Variants in MKNK2 observed in about 807,000 individuals in gnomAD.
MKNK2 encodes MAPK interacting serine/threonine kinase 2.
In MKNK2, 54 loss-of-function variants were observed where a neutral mutation model predicts 55.0. The observed-to-expected ratio is 0.98, with a 90% CI of 0.79 to 1.23. The LOEUF (loss-of-function observed/expected upper bound fraction) is 1.23, where lower values mean the gene tolerates loss of function less well. Ranked by LOEUF, MKNK2 falls within the 50% of genes most tolerant of loss-of-function variation. MKNK2 has a pLI of 0.00. For synonymous variants in MKNK2, 323 were observed against 256.0 expected, an observed-to-expected ratio of 1.26 and a Z score of -2.50; for missense variants, 685 against 632.1, an observed-to-expected ratio of 1.08 and a Z score of -0.90.
intron 11 of MKNK2, 111 bp from the exon 12 acceptor site, chr19:2,041,315 C>G (rs2016877072): frequency 8.9e-6 from 10 of 1,121,620 alleles, no homozygotes; most frequent in Non-Finnish European, 1.0e-5. Flanking sequence ...GGCCCTAGAC[C>G]ACGCACGCCT....
At chr19:2,047,026 C>G (rs1295823662) in intron 2 of MKNK2, among the ~76,000 whole-genome samples, 1 of 152,200 alleles carries the variant, frequency 6.6e-6, no homozygotes, top group Admixed American at 6.5e-5. Context: ...TCTTAAACCC[C>G]TGGCCTCAAG....
intron 11 of MKNK2, 105 bp downstream of exon 11, chr19:2,041,735 G>C (rs1415917497): frequency 1.0e-6 from 1 of 968,856 alleles, no homozygotes; most frequent in Non-Finnish European, 1.5e-6. Flanking sequence ...CAGGTCCCCT[G>C]GACTTAGAGG....
chr19:2,046,235 C>T lies in MKNK2; in HGVS notation c.290G>A (p.Arg97Gln), dbSNP rs1356353368. The stretch of plus-strand genomic sequence containing the variant: ...GATCAGGTTGATGCAGGTCTGCACT[C>T]GGGCATGAGCGCCCTCCCCCAGCAC... Reference protein sequence around the residue: ...EDVLGEGAHARVQTCINLITS... With the variant: ...EDVLGEGAHAQVQTCINLITS... Residue 97 changes from arginine to glutamine, a missense_variant, in exon 5 of 14, where the codon CGA (arginine) becomes CAA (glutamine). Coordinates refer to ENST00000250896, the MANE Select transcript of MKNK2 (RefSeq NM_199054.3). 6.8e-6 allele frequency: 11 copies of T among 1,606,916 alleles called. No homozygotes were observed. The highest frequency in any genetic ancestry group is 3.3e-5 in the Admixed American group (2 of 60,000).
rs1237863836 is a variant in MKNK2 at position 2,046,710 on chromosome 19, G to A, written c.52-19C>T. ...TCTGCCCCTGCAGGGGAGAGGAGAG[G>A]AGAGGCACTCAGGCCCCATCCCTGC... On this transcript the variant is annotated intron_variant, in intron 2 of 13. Transcript: ENST00000250896. 6.7e-7 allele frequency: 1 copy of A among 1,498,930 alleles called. No homozygotes were observed. The highest frequency in any genetic ancestry group is 8.9e-7 in the Non-Finnish European group (1 of 1,124,818). The allele number at this position is 1,498,930 out of a possible 1,614,324, so 92.9% of individuals were successfully genotyped here. A position where few individuals can be genotyped will look rare whatever the true frequency, so the allele number is the denominator to read the frequency against.
At chr19:2,046,116 A>T in intron 5 of MKNK2, 70 bp downstream of exon 5, 1 of 1,458,554 alleles carries the variant, frequency 6.9e-7, no homozygotes, top group Non-Finnish European at 9.5e-7. Flanking sequence ...GGAATGCCAC[A>T]CACTGTTTCC....
Position 2,039,515 on chromosome 19 carries a change from G to A in MKNK2, c.*98C>T. On this transcript the variant is annotated 3_prime_UTR_variant, in exon 14 of 14. Coordinates refer to ENST00000250896, the MANE Select transcript of MKNK2 (RefSeq NM_199054.3). ...TTAGTGCCTGGGAATCCAGGCAGAG[G>A]AGGGGCAGCCCGCTGGACACCGGCT... 6.8e-7 allele frequency: 1 copy of A among 1,469,042 alleles called. No homozygotes were observed. Among genetic ancestry groups the A allele is most frequent in the South Asian group, 1.3e-5 (1 of 74,230 alleles). The allele number at this position is 1,469,042 out of a possible 1,614,324, so 91.0% of individuals were successfully genotyped here. A position where few individuals can be genotyped will look rare whatever the true frequency, so the allele number is the denominator to read the frequency against.
In MKNK2 at chr19:2,039,269, T is replaced by C; in HGVS notation, c.*344A>G. ...AGTCACTGCAAGCCACGTGGGCAGA[T>C]GGCGGGCAGCACAGGTGACCTGGGG... is the stretch of plus-strand genomic sequence containing the variant. On this transcript the variant is annotated 3_prime_UTR_variant, in exon 14 of 14. Transcript: ENST00000250896. 8.7e-7 allele frequency: 1 copy of C among 1,148,380 alleles called. No homozygotes were observed. The allele number at this position is 1,148,380 out of a possible 1,614,324, so 71.1% of individuals were successfully genotyped here.
At position 2,043,586 on chromosome 19, in the gene MKNK2, A is replaced by G; in HGVS notation, c.340-4T>C. ...GGCCTGGCTGCTTCTCAATGATCTG[A>G]AACAGGCGAAAGGACACAGCACCTG... On this transcript the variant is annotated splice_polypyrimidine_tract_variant and splice_region_variant and intron_variant, in intron 5 of 13. Transcript: ENST00000250896. 6.2e-7 allele frequency: 1 copy of G among 1,613,864 alleles called. No individual in the cohort carries two copies. Among genetic ancestry groups the G allele is most frequent in the Non-Finnish European group, 8.5e-7 (1 of 1,179,876 alleles).
rs993499852 is a variant in MKNK2, at chr19:2,046,463, G to A, written c.145C>T (p.Pro49Ser). 6.2e-7 allele frequency: 1 copy of A among 1,607,796 alleles called. No homozygotes were observed. The highest frequency in any genetic ancestry group is 8.5e-7 in the Non-Finnish European group (1 of 1,179,312). The change falls in exon 4 of 14, where the codon CCC (proline) becomes TCC (serine). Residue 49 changes from proline to serine, a missense_variant. Physicochemically the swap from Pro to Ser is moderately conservative, Grantham distance 74. Coordinates refer to ENST00000250896, the MANE Select transcript of MKNK2 (RefSeq NM_199054.3). ...GGGATGTCAATGGGCTGGCTGGCGG[G>A]CATGTCTGTTCCAGGAGGCACGCCC... ...GLQCSARPDM[P>S]ASQPIDIPDA...
intron 2 of MKNK2, 65 bp downstream of exon 2, chr19:2,050,736 G>T: frequency 6.9e-7 from 1 of 1,448,562 alleles, no homozygotes. Context: ...CGGGCCCCGC[G>T]CCCCCCACGC....
intron 13 of MKNK2, 69 bp from the exon 14 acceptor site, chr19:2,039,925 G>C: frequency 1.3e-6 from 2 of 1,523,048 alleles, no homozygotes; most frequent in Non-Finnish European, 1.8e-6. Context: ...GGTCTGTGAA[G>C]GCCCTGGGGG....
In MKNK2 at chr19:2,038,300, CG is replaced by C; in HGVS notation, c.*1312del. On this transcript the variant is annotated 3_prime_UTR_variant, in exon 14 of 14. Transcript: ENST00000250896. ...TAAACAGGAGGAAGAATCCCGACCG[CG>C]GATTTAGAAGCCAGAGGGGCTGCCC... is the stretch of plus-strand genomic sequence containing the variant. The C allele has an allele frequency of 1.0e-6, 1 of 986,594 alleles. No homozygotes were observed. The allele number at this position is 986,594 out of a possible 1,614,324, so 61.1% of individuals were successfully genotyped here.
intron 10 of MKNK2, 168 bp from the exon 11 acceptor site, chr19:2,042,202 G>C: frequency 1.4e-6 from 1 of 740,148 alleles, no homozygotes; most frequent in Non-Finnish European, 2.1e-6. Context: ...CAGGTGCAGA[G>C]CTCGCCCCTC....
In MKNK2 at chr19:2,046,676, C is replaced by G. The variant is rs776453612; in HGVS notation, c.67G>C (p.Glu23Gln). The change falls in exon 3 of 14, where the codon GAG becomes CAG. Residue 23 changes from glutamate to glutamine, a missense_variant. By Grantham distance (29) the Glu-to-Gln change is conservative (BLOSUM62 2). Transcript: ENST00000250896. ...GGCTGGTCTAGGGAGAAGGCCAGCT[C>G]GAAGGGGTTCTGCCCCTGCAGGGGA... Reference protein sequence around the residue: ...HRSFKGQNPFELAFSLDQPDH... With the variant: ...HRSFKGQNPFQLAFSLDQPDH... The G allele has an allele frequency of 1.0e-5, 16 of 1,533,680 alleles. No homozygotes were observed. In the South Asian group the frequency reaches 1.2e-4, roughly 12 times the overall value.
intron 2 of MKNK2, among the ~76,000 whole-genome samples, chr19:2,047,559 G>T (rs920759624): frequency 6.6e-6 from 1 of 152,078 alleles, no homozygotes; most frequent in African/African-American, 2.4e-5. Flanking sequence ...GGGGCGGGTC[G>T]CGGGGATCAA....
At position 2,041,300 on chromosome 19, in the gene MKNK2, G is replaced by A. The variant is rs2016876627; in HGVS notation, c.946-96C>T. 5.1e-6 allele frequency: 7 copies of A among 1,378,284 alleles called. No homozygotes were observed. In the Admixed American group the frequency reaches 1.2e-4, roughly 23 times the overall value. 85.4% of individuals were successfully genotyped at this position (1,378,284 alleles called of 1,614,324 possible). ...CCAACCGGACCCCAACCAGGCCCTA[G>A]ACCAGGCCCTAGACCACGCACGCCT... is the stretch of plus-strand genomic sequence containing the variant. On this transcript the variant is annotated intron_variant, in intron 11 of 13. Transcript: ENST00000250896.
At position 2,044,094 on chromosome 19, in the gene MKNK2, C is replaced by T. The variant is rs115126439; in HGVS notation, c.340-512G>A. On this transcript the variant is annotated intron_variant, in intron 5 of 13. Coordinates refer to ENST00000250896, the MANE Select transcript of MKNK2 (RefSeq NM_199054.3). Reference sequence around the variant, plus strand: ...ACTTCTGCAAAATACCCCCACAGGACGTGAGGGTTCCCTGCCCTGGGCGGC... The same window carrying T: ...ACTTCTGCAAAATACCCCCACAGGATGTGAGGGTTCCCTGCCCTGGGCGGC... 4.5e-3 allele frequency among the ~76,000 whole-genome samples: 679 copies of T among 151,960 alleles called. 7 individuals carry two copies. The highest frequency in any genetic ancestry group is 0.016 in the African/African-American group (648 of 41,436).
chr19:2,048,965 C>T (rs560866152), intron 2 of MKNK2, among the ~76,000 whole-genome samples: 1 of 152,342 alleles, frequency 6.6e-6, no homozygotes, highest in South Asian at 2.1e-4. Context: ...ACCCTGGGGT[C>T]TGTCAGCGGT....
chr19:2,050,738 C>T, intron 2 of MKNK2, 63 bp downstream of exon 2: 1 of 1,463,916 alleles, frequency 6.8e-7, no homozygotes, highest in Non-Finnish European at 9.2e-7. Context: ...GGCCCCGCGC[C>T]CCCCACGCCG....
Sources: allele counts gnomAD v4.1 joint callset (sites outside exome capture counted in the v4.1 genomes callset), GRCh38; gene constraint gnomAD v4.1.1; transcripts MANE v1.5; gene names NCBI Gene and HGNC (gene_info 2026-07-23, HGNC 2026-07-21).